NOP14: variants seen among roughly 807,000 people sequenced by gnomAD.
The protein encoded by NOP14 is nucleolar protein 14.
Under a neutral mutation model 101.6 loss-of-function variants are expected in NOP14, and 57 were observed. That is an observed-to-expected ratio of 0.56 (90% confidence interval 0.45 to 0.70). The LOEUF is 0.70. Ranked by LOEUF, NOP14 falls within the 30% of genes least tolerant of loss-of-function variation. NOP14 has a pLI of 0.00. For synonymous variants in NOP14, 428 were observed against 424.0 expected, an observed-to-expected ratio of 1.01 and a Z score of -0.12; for missense variants, 1,134 against 1,075.5, an observed-to-expected ratio of 1.05 and a Z score of -0.76.
At chr4:2,958,163 T>C (rs537108120) in intron 1 of NOP14, among the ~76,000 whole-genome samples, 4 of 152,272 alleles carry the variant, frequency 2.6e-5, no homozygotes, top group East Asian at 3.9e-4. Context: ...AAATGTGTAG[T>C]TGTGAGTTCA....
chr4:2,943,942 A>G (rs1577825704), intron 13 of NOP14, 131 bp downstream of exon 13: 3 of 704,072 alleles, frequency 4.3e-6, no homozygotes, highest in East Asian at 2.8e-5. Flanking sequence ...AGGGACAGAC[A>G]GTGCGGCGGG....
In NOP14 at chr4:2,953,545, T is replaced by G. The variant is rs1715161039; in HGVS notation, c.713A>C (p.Lys238Thr). The G allele has an allele frequency of 6.2e-7, 1 of 1,614,264 alleles. No individual in the cohort carries two copies. Among genetic ancestry groups the G allele is most frequent in the Non-Finnish European group, 8.5e-7 (1 of 1,180,048 alleles). ...TTCCTTTTTGTCTCTGTTCTCTGAC[T>G]TGGGAGTTTTGTGGGACAGGAGAGT... ...IQTLLSHKTP[K>T]SENRDKKEKP... is the part of the protein sequence containing the mutation. The change falls in exon 5 of 18, where the codon AAG becomes ACG. Residue 238 changes from lysine (K) to threonine (T), a missense_variant. Transcript: ENST00000416614.
rs533514848 is a variant in NOP14, at chr4:2,938,024, G to C, written c.*807C>G. ...GTCCGTGGTTGACAGAAATTACACT[G>C]GCCAGAATCCCCAGTCCCCATGAGG... On this transcript the variant is annotated 3_prime_UTR_variant, in exon 18 of 18. Transcript: ENST00000416614. 6.5e-4 allele frequency: 181 copies of C among 278,658 alleles called. No homozygotes were observed. The highest frequency in any genetic ancestry group is 9.4e-4 in the Non-Finnish European group (140 of 148,482). 17.3% of individuals were successfully genotyped at this position (278,658 alleles called of 1,614,324 possible).
intron 15 of NOP14, 141 bp downstream of exon 15, chr4:2,941,440 AC>A: frequency 2.8e-6 from 2 of 717,612 alleles, no homozygotes; most frequent in Non-Finnish European, 4.6e-6. Flanking sequence ...TTATGATTTT[AC>A]TTCCCTTCAT....
chr4:2,940,812 T>C (rs1263336), intron 15 of NOP14: 135,550 of 152,514 alleles, frequency 0.89, 60,707 homozygotes, highest in African/African-American at 0.97. Context: ...TGGGGAGTTC[T>C]AGGTGCAGAG....
chr4:2,938,348 C>T lies in NOP14; in HGVS notation c.*483G>A, dbSNP rs1339349069. On this transcript the variant is annotated 3_prime_UTR_variant, in exon 18 of 18. Transcript: ENST00000416614. ...CCAGCCTGACCAACATGGAGAAACC[C>T]CGTCTCTACTAAAAATACAAAATTA... 1.9e-6 allele frequency: 1 copy of T among 518,254 alleles called. No homozygotes were observed. Among genetic ancestry groups the T allele is most frequent in the Admixed American group, 2.8e-5 (1 of 35,970 alleles). The allele number at this position is 518,254 out of a possible 1,614,324, so 32.1% of individuals were successfully genotyped here. A position where few individuals can be genotyped will look rare whatever the true frequency, so the allele number is the denominator to read the frequency against.
rs1714743617 is a variant in NOP14, at chr4:2,947,603, A to G, written c.1422T>C (p.Phe474=). The G allele has an allele frequency of 1.2e-6, 2 of 1,613,682 alleles. No homozygotes were observed. Among genetic ancestry groups the G allele is most frequent in the Non-Finnish European group, 8.5e-7 (1 of 1,179,598 alleles). The change falls in exon 10 of 18, where the codon TTT becomes TTC. Residue 474 remains phenylalanine, a synonymous_variant. Transcript: ENST00000416614. The part of the protein sequence containing the change: ...EGNKAKLEKL[F]GFLLEYVGDL... The stretch of plus-strand genomic sequence containing the variant: ...CGCCAACGTATTCCAAAAGAAAGCC[A>G]AACAGTTTCTGCAGGAACATGAATT...
In NOP14 at chr4:2,946,425, G is replaced by A; in HGVS notation, c.1622C>T (p.Pro541Leu). 6.2e-7 allele frequency: 1 copy of A among 1,614,218 alleles called. No individual in the cohort carries two copies. The highest frequency in any genetic ancestry group is 8.5e-7 in the Non-Finnish European group (1 of 1,180,042). ...MIETKGRAAL[P>L]GLDVLIYLKI... Reference sequence around the variant, plus strand: ...AACTCTGCTTACCACATCCAACCCTGGCAATGCCGCCCGGCCTTTGGTCTC... The same window carrying A: ...AACTCTGCTTACCACATCCAACCCTAGCAATGCCGCCCGGCCTTTGGTCTC... Residue 541 changes from proline to leucine, a missense_variant, in exon 11 of 18, where the codon CCA (proline) becomes CTA (leucine). Physicochemically the swap from Pro to Leu is moderately conservative, Grantham distance 98. Coordinates refer to ENST00000416614, the MANE Select transcript of NOP14 (RefSeq NM_001291978.2).
chr4:2,939,743 G>T (rs1577814227), intron 15 of NOP14, 98 bp from the exon 16 acceptor site: 2 of 918,708 alleles, frequency 2.2e-6, no homozygotes, highest in East Asian at 4.8e-5. Context: ...CGTGAGGACA[G>T]TGCTGCGAGC....
At chr4:2,959,358 C>A (rs1248370300) in intron 1 of NOP14, among the ~76,000 whole-genome samples, 1 of 152,288 alleles carries the variant, frequency 6.6e-6, no homozygotes, top group East Asian at 1.9e-4. Flanking sequence ...TCTGGGAGGC[C>A]AAGGCGGGCG....
rs1715164564 is a variant in NOP14 at position 2,953,616 on chromosome 4, G to A, written c.642C>T (p.Ala214=). The part of the protein sequence containing the change: ...KRERQAQRED[A]LELTEKLDQD... ...GGTCTAGCTTCTCCGTGAGCTCGAGGGCATCTTCTCGTTGAGCTTGTCTCT... is the reference window on the plus strand; with the variant it reads ...GGTCTAGCTTCTCCGTGAGCTCGAGAGCATCTTCTCGTTGAGCTTGTCTCT... Residue 214 remains alanine, a synonymous_variant, in exon 5 of 18, where the codon GCC becomes GCT. Coordinates refer to ENST00000416614, the MANE Select transcript of NOP14 (RefSeq NM_001291978.2). The A allele has an allele frequency of 6.2e-7, 1 of 1,614,102 alleles. No individual in the cohort carries two copies. Among genetic ancestry groups the A allele is most frequent in the Non-Finnish European group, 8.5e-7 (1 of 1,180,016 alleles).
intron 10 of NOP14, 101 bp from the exon 11 acceptor site, chr4:2,946,648 CAAGT>C: frequency 9.9e-7 from 1 of 1,008,208 alleles, no homozygotes. Context: ...GTTGACTGAG[CAAGT>C]AAGAACTGGA....
At position 2,960,725 on chromosome 4, in the gene NOP14, C is replaced by CATTAATATTAATATATTAATATAATT. The variant is rs1560310522; in HGVS notation, c.195+2399_195+2400insAATTATATTAATATATTAATATTAAT. 6.6e-4 allele frequency among the ~76,000 whole-genome samples: 72 copies of CATTAATATTAATATATTAATATAATT among 108,974 alleles called. 2 individuals are homozygous for CATTAATATTAATATATTAATATAATT. Among genetic ancestry groups the CATTAATATTAATATATTAATATAATT allele is most frequent in the African/African-American group, 8.4e-4 (22 of 26,330 alleles). The allele number at this position is 108,974 out of a possible 152,430, so 71.5% of individuals were successfully genotyped here. ...AATATTAATATATTAATATTATAAT[C>CATTAATATTAATATATTAATATAATT]ACATTAATATTAATATATTAATATT... is the stretch of plus-strand genomic sequence containing the variant. On this transcript the variant is annotated intron_variant, in intron 1 of 17. Coordinates refer to ENST00000416614, the MANE Select transcript of NOP14 (RefSeq NM_001291978.2).
At chr4:2,944,027 T>C (rs1174855178) in intron 13 of NOP14, 46 bp downstream of exon 13, 2 of 1,519,372 alleles carry the variant, frequency 1.3e-6, no homozygotes, top group Non-Finnish European at 1.8e-6. Flanking sequence ...TTAAAAAAAT[T>C]CTAAAGTATA....
At chr4:2,943,611 G>A (rs576713797) in intron 13 of NOP14, among the ~76,000 whole-genome samples, 50 of 152,340 alleles carry the variant, frequency 3.3e-4, no homozygotes, top group African/African-American at 1.1e-3. Flanking sequence ...TAAGAGAAGC[G>A]ACACAGCAGC....
intron 10 of NOP14, 36 bp from the exon 11 acceptor site, chr4:2,946,583 C>G (rs763225389): frequency 6.2e-7 from 1 of 1,609,098 alleles, no homozygotes; most frequent in East Asian, 2.2e-5. Context: ...GAGAGAATGA[C>G]TTTAGATAAG....
intron 9 of NOP14, 58 bp from the exon 10 acceptor site, chr4:2,947,669 C>G: frequency 2.2e-6 from 3 of 1,355,288 alleles, no homozygotes; most frequent in South Asian, 2.3e-5. Flanking sequence ...AACAAAGCCA[C>G]AGGCACACAG....
intron 7 of NOP14, chr4:2,950,858 A>C: frequency 2.6e-6 from 1 of 380,306 alleles, no homozygotes; most frequent in Non-Finnish European, 4.7e-6. Flanking sequence ...AATCAGTTTT[A>C]TCTGTGTTCC....
In NOP14 at chr4:2,953,163, A is replaced by G. The variant is rs75783011; in HGVS notation, c.747+348T>C. 3.5e-3 allele frequency among the ~76,000 whole-genome samples: 537 copies of G among 152,394 alleles called. 5 individuals carry two copies. Among genetic ancestry groups the G allele is most frequent in the African/African-American group, 9.3e-3 (388 of 41,594 alleles). On this transcript the variant is annotated intron_variant, in intron 5 of 17. Coordinates refer to ENST00000416614, the MANE Select transcript of NOP14 (RefSeq NM_001291978.2). ...AATGCAGTAGGAAACAACTGTTTAC[A>G]GAGGCAAAAATAAGTAAATGTATAT... is the stretch of plus-strand genomic sequence containing the variant.
Sources: allele counts gnomAD v4.1 joint callset (sites outside exome capture counted in the v4.1 genomes callset), GRCh38; gene constraint gnomAD v4.1.1; transcripts MANE v1.5; gene names NCBI Gene and HGNC (gene_info 2026-07-23, HGNC 2026-07-21).